Variants in TK2 observed in about 807,000 individuals in gnomAD.
TK2 encodes thymidine kinase 2, mitochondrial.
Under a neutral mutation model 41.9 loss-of-function variants are expected in TK2, and 35 were observed. The observed-to-expected ratio is 0.84, with a 90% CI of 0.64 to 1.11. The LOEUF (loss-of-function observed/expected upper bound fraction) is 1.11. TK2 is among the 50% of genes least tolerant of loss of function. The pLI is 0.00. For missense variants in TK2, 320 were observed against 351.1 expected (o/e 0.91, Z 0.71); for synonymous variants, 128 against 129.1 (o/e 0.99, Z 0.06).
chr16:66,518,617 A>G (rs1483807311), intron 6 of TK2, among the ~76,000 whole-genome samples: 2 of 152,266 alleles, frequency 1.3e-5, no homozygotes, highest in African/African-American at 4.8e-5. Context: ...AAATCTTGGT[A>G]AATCTATATA....
chr16:66,521,597 A>G (rs1295855774), intron 6 of TK2, among the ~76,000 whole-genome samples: 1 of 152,172 alleles, frequency 6.6e-6, no homozygotes, highest in Non-Finnish European at 1.5e-5. Flanking sequence ...GAGTGAGGAA[A>G]CAGAAGCCTG....
chr16:66,517,655 G>C lies in TK2; in HGVS notation c.538+134C>G. The C allele has an allele frequency of 1.2e-6, 1 of 807,084 alleles. No individual in the cohort carries two copies. The highest frequency in any genetic ancestry group is 1.9e-5 in the Admixed American group (1 of 53,316). The allele number at this position is 807,084 out of a possible 1,614,324, so 50.0% of individuals were successfully genotyped here. On this transcript the variant is annotated intron_variant, in intron 7 of 9. Transcript: ENST00000544898. This position sits in a 1 kb window ranked among gnomAD's most constrained non-coding sequence, Gnocchi z 4.3. ...TCTGTCTGCCCTCAGGGAGAAAGCT[G>C]AACTCCCATGGGGAAGGAACTGCCA...
At chr16:66,548,039 C>T (rs772657943) in intron 2 of TK2, 10 of 995,844 alleles carry the variant, frequency 1.0e-5, no homozygotes, top group Middle Eastern at 2.4e-4. Context: ...TGGAGGCCAG[C>T]CTGGGCAACA....
rs1965004624 is a variant in TK2, at chr16:66,528,514, G to A, written c.449+480C>T. On this transcript the variant is annotated intron_variant, in intron 6 of 9. Transcript: ENST00000544898. ...CTGGACCCTCCCACCTTTCCACCCTGGGCTCATGTGACCATGTGATCTGCT... is the reference window on the plus strand; with the variant it reads ...CTGGACCCTCCCACCTTTCCACCCTAGGCTCATGTGACCATGTGATCTGCT... Among the ~76,000 whole-genome samples, 4 of 152,204 alleles carry A rather than the reference G, an allele frequency of 2.6e-5. 1 individual carries two copies. The South Asian group carries it at 8.3e-4, about 32-fold the overall frequency.
chr16:66,545,923 TCCCTAAAGAGACAGGAAGTAGA>T (rs1965594147), intron 2 of TK2, among the ~76,000 whole-genome samples: 1 of 151,712 alleles, frequency 6.6e-6, no homozygotes, highest in Non-Finnish European at 1.5e-5. Flanking sequence ...AAAACACAAA[TCCCTAAAGAGACAGGAAGTAGA>T]TTAGTGGTCA....
At chr16:66,544,245 A>G (rs1965539309) in intron 2 of TK2, among the ~76,000 whole-genome samples, 1 of 152,164 alleles carries the variant, frequency 6.6e-6, no homozygotes, top group South Asian at 2.1e-4. Flanking sequence ...CCTGAAATGG[A>G]AGGGGGAACA....
chr16:66,539,022 G>A (rs1965371535), intron 3 of TK2, among the ~76,000 whole-genome samples: 1 of 152,080 alleles, frequency 6.6e-6, no homozygotes, highest in African/African-American at 2.4e-5. Context: ...TTCTTGTGAG[G>A]GTGAGATCAT....
At chr16:66,540,273 A>C (rs190615737) in intron 3 of TK2, among the ~76,000 whole-genome samples, 32 of 151,080 alleles carry the variant, frequency 2.1e-4, no homozygotes, top group African/African-American at 7.3e-4. Flanking sequence ...CCTGGGCTTA[A>C]ATAATCCTCC....
chr16:66,516,878 G>A (rs1483730623), intron 8 of TK2, among the ~76,000 whole-genome samples: 2 of 151,978 alleles, frequency 1.3e-5, no homozygotes, highest in South Asian at 2.1e-4. Flanking sequence ...CAGGTGGGGA[G>A]GGGAGGGGAA....
At chr16:66,545,038 G>A (rs1468237814) in intron 2 of TK2, among the ~76,000 whole-genome samples, 1 of 146,138 alleles carries the variant, frequency 6.8e-6, no homozygotes, top group Non-Finnish European at 1.5e-5. Context: ...AGGTTGTGGT[G>A]AGCCGAGATC....
chr16:66,545,273 T>C (rs1365457664), intron 2 of TK2, among the ~76,000 whole-genome samples: 1 of 152,166 alleles, frequency 6.6e-6, no homozygotes, highest in African/African-American at 2.4e-5. Flanking sequence ...CAGCAATCAT[T>C]GTCATTTGGA....
intron 2 of TK2, among the ~76,000 whole-genome samples, chr16:66,542,239 G>T (rs988243567): frequency 6.6e-6 from 1 of 152,112 alleles, no homozygotes; most frequent in East Asian, 1.9e-4. Flanking sequence ...GCCCAGCTCT[G>T]CCCTTCCTTA....
chr16:66,533,881 G>A lies in TK2; in HGVS notation c.286-2412C>T, dbSNP rs916326947. On this transcript the variant is annotated intron_variant, in intron 4 of 9. Transcript: ENST00000544898. Reference sequence around the variant, plus strand: ...AAATTAGCCAGGTGTGGTGGTGGGCGCCTGTAGTCCCAGCTACTCGGGAGG... The same window carrying A: ...AAATTAGCCAGGTGTGGTGGTGGGCACCTGTAGTCCCAGCTACTCGGGAGG... Among the ~76,000 whole-genome samples, 7 of 151,658 alleles carry A rather than the reference G, an allele frequency of 4.6e-5. No homozygotes were observed. The South Asian group carries it at 1.0e-3, about 23-fold the overall frequency.
At chr16:66,515,661 C>T (rs1475166324) in intron 8 of TK2, among the ~76,000 whole-genome samples, 7 of 152,356 alleles carry the variant, frequency 4.6e-5, no homozygotes, top group African/African-American at 4.8e-5. Context: ...GCTTGGATCA[C>T]GGCTTGGACG....
intron 9 of TK2, among the ~76,000 whole-genome samples, chr16:66,513,449 G>C (rs1313026152): frequency 6.6e-6 from 1 of 152,206 alleles, no homozygotes; most frequent in Non-Finnish European, 1.5e-5. Flanking sequence ...TGAAAACTGA[G>C]ACCCGGGTCT....
intron 1 of TK2, chr16:66,549,284 T>G (rs1326730226): frequency 8.7e-6 from 11 of 1,268,266 alleles, no homozygotes; most frequent in Non-Finnish European, 1.1e-5. Context: ...TTTATTTAGA[T>G]CTTCACAGAC....
intron 5 of TK2, among the ~76,000 whole-genome samples, chr16:66,530,112 T>C (rs1235986330): frequency 6.6e-6 from 1 of 152,238 alleles, no homozygotes; most frequent in Admixed American, 6.5e-5. Flanking sequence ...TGTGGATTTG[T>C]GCAATTTAGA....
At position 66,529,084 on chromosome 16, in the gene TK2, A is replaced by C. The variant is rs1965027100; in HGVS notation, c.376-17T>G. ...AGATGACACCTAAAGGAAAACAAAA[A>C]GAGAATCACTAACTCAGGGGAAAAG... is the stretch of plus-strand genomic sequence containing the variant. On this transcript the variant is annotated splice_polypyrimidine_tract_variant and intron_variant, in intron 5 of 9. Transcript: ENST00000544898. The C allele has an allele frequency of 6.2e-7, 1 of 1,613,056 alleles. No individual in the cohort carries two copies. Among genetic ancestry groups the C allele is most frequent in the African/African-American group, 1.3e-5 (1 of 75,050 alleles).
intron 3 of TK2, among the ~76,000 whole-genome samples, chr16:66,537,324 G>C (rs1322761442): frequency 3.3e-5 from 5 of 152,192 alleles, no homozygotes; most frequent in Admixed American, 6.5e-5. Context: ...GTCAGAGCTG[G>C]CTCTGTCCAT....
Sources: gnomAD v4.1 joint callset for allele counts (sites outside exome capture counted in the v4.1 genomes callset) on GRCh38, gnomAD v4.1.1 for gene constraint, Gnocchi (gnomAD v3.1) non-coding constraint, MANE v1.5 for transcripts, NCBI Gene and HGNC (gene_info 2026-07-23, HGNC 2026-07-21) for gene names.